STAU2: variants seen among roughly 807,000 people sequenced by gnomAD.
STAU2 encodes staufen double-stranded RNA binding protein 2.
Under a neutral mutation model 65.9 loss-of-function variants are expected in STAU2, and 20 were observed. The observed-to-expected ratio is 0.30, with a 90% CI of 0.21 to 0.44. The LOEUF is 0.44. Among genes scored for constraint, STAU2 ranks in the 20% least tolerant of loss-of-function variants. STAU2 has a pLI of 1.00. For synonymous variants in STAU2, 232 were observed against 233.9 expected (o/e 0.99, Z 0.07); for missense variants, 558 against 683.9 (o/e 0.82, Z 2.05).
intron 3 of STAU2, among the ~76,000 whole-genome samples, chr8:73,737,470 C>A (rs1006932488): frequency 1.3e-5 from 2 of 151,886 alleles, no homozygotes; most frequent in African/African-American, 2.4e-5. Context: ...CGTGCCCAGT[C>A]GATTACTTTC....
intron 13 of STAU2, among the ~76,000 whole-genome samples, chr8:73,534,970 T>C (rs562444697): frequency 6.6e-6 from 1 of 152,356 alleles, no homozygotes; most frequent in East Asian, 1.9e-4. Context: ...AAATCCTATG[T>C]TTTAGATAAG....
At chr8:73,605,778 C>T (rs184554078) in intron 9 of STAU2, among the ~76,000 whole-genome samples, 22 of 150,852 alleles carry the variant, frequency 1.5e-4, no homozygotes, top group Admixed American at 1.4e-3. Context: ...GGTATAAAGA[C>T]AGACAAAGGG....
chr8:73,585,696 C>T (rs567935846), intron 11 of STAU2, among the ~76,000 whole-genome samples: 1 of 152,332 alleles, frequency 6.6e-6, no homozygotes, highest in African/African-American at 2.4e-5. Flanking sequence ...TCTCCCAATC[C>T]TTACTTTCTG....
At chr8:73,622,864 T>A (rs1813367539) in intron 6 of STAU2, among the ~76,000 whole-genome samples, 1 of 152,236 alleles carries the variant, frequency 6.6e-6, no homozygotes, top group Admixed American at 6.5e-5. Flanking sequence ...GCCACATTAC[T>A]TAACAGACTA....
At chr8:73,586,865 G>T (rs967458725) in intron 11 of STAU2, among the ~76,000 whole-genome samples, 5 of 151,740 alleles carry the variant, frequency 3.3e-5, no homozygotes, top group African/African-American at 1.2e-4. Flanking sequence ...GAAAGAGGGG[G>T]AGAAAAGAAA....
chr8:73,479,169 A>G (rs1159195167), intron 13 of STAU2, among the ~76,000 whole-genome samples: 7 of 152,136 alleles, frequency 4.6e-5, no homozygotes, highest in Non-Finnish European at 8.8e-5. Flanking sequence ...TGTTAGTATT[A>G]ATCTCCAAAG....
chr8:73,737,993 T>C (rs1280010758), intron 3 of STAU2, among the ~76,000 whole-genome samples: 1 of 151,718 alleles, frequency 6.6e-6, no homozygotes, highest in Non-Finnish European at 1.5e-5. Context: ...AGCTGTATCA[T>C]GATCATAAGC....
At chr8:73,434,189 AG>A (rs1364595704) in intron 13 of STAU2, among the ~76,000 whole-genome samples, 26 of 151,052 alleles carry the variant, frequency 1.7e-4, no homozygotes, top group Admixed American at 1.7e-3. Context: ...TTGAAGATGG[AG>A]GAAGAGGGCT....
chr8:73,644,429 A>G (rs1057470280), intron 6 of STAU2, among the ~76,000 whole-genome samples: 3 of 151,750 alleles, frequency 2.0e-5, no homozygotes, highest in African/African-American at 4.8e-5. Flanking sequence ...TAGGCAACAG[A>G]GTAAGATCCT....
chr8:73,745,375 A>G (rs1807197604), intron 1 of STAU2, among the ~76,000 whole-genome samples: 1 of 152,224 alleles, frequency 6.6e-6, no homozygotes, highest in South Asian at 2.1e-4. Flanking sequence ...TGAGTTCACA[A>G]CAGTGTACTT....
intron 13 of STAU2, among the ~76,000 whole-genome samples, chr8:73,509,945 T>C (rs1822294083): frequency 6.6e-6 from 1 of 152,214 alleles, no homozygotes; most frequent in South Asian, 2.1e-4. Flanking sequence ...ATTTTTTAAA[T>C]TTCACAAAAT....
At position 73,539,407 on chromosome 8, in the gene STAU2, T is replaced by C. The variant is rs115630347; in HGVS notation, c.1530+12605A>G. ...AATACATCTGCAATTAATGAATGGA[T>C]ATAAAATCTCTGCAGAGAAACAGAA... On this transcript the variant is annotated intron_variant, in intron 13 of 14. Coordinates refer to ENST00000524300, the MANE Select transcript of STAU2 (RefSeq NM_001164380.2). Among the ~76,000 whole-genome samples, 495 of 152,226 alleles carry C rather than the reference T, an allele frequency of 3.3e-3. 7 individuals are homozygous for C. Among genetic ancestry groups the C allele is most frequent in the African/African-American group, 0.011 (473 of 41,540 alleles).
intron 13 of STAU2, among the ~76,000 whole-genome samples, chr8:73,512,494 T>C (rs1229584657): frequency 1.3e-5 from 2 of 152,228 alleles, no homozygotes; most frequent in African/African-American, 4.8e-5. Flanking sequence ...AAGTATTTTA[T>C]TCTTTTTGAT....
chr8:73,650,193 A>G (rs1283711473), intron 6 of STAU2, among the ~76,000 whole-genome samples: 8 of 151,952 alleles, frequency 5.3e-5, no homozygotes, highest in Non-Finnish European at 1.2e-4. Context: ...ATGAGCTTTG[A>G]TTCTCTATGA....
intron 13 of STAU2, among the ~76,000 whole-genome samples, chr8:73,473,413 G>A (rs906381972): frequency 3.9e-5 from 6 of 152,262 alleles, no homozygotes; most frequent in African/African-American, 7.2e-5. Context: ...TGTGCAATAC[G>A]GTTTTGAAAA....
intron 13 of STAU2, chr8:73,441,411 G>C (rs1008284474): frequency 6.6e-6 from 1 of 150,740 alleles, no homozygotes; most frequent in Non-Finnish European, 1.5e-5. Flanking sequence ...GTGGTGGCAT[G>C]CACCTGTAAT....
chr8:73,509,817 C>T (rs1043186329), intron 13 of STAU2, among the ~76,000 whole-genome samples: 1 of 151,294 alleles, frequency 6.6e-6, no homozygotes, highest in Non-Finnish European at 1.5e-5. Context: ...CTTCAATATA[C>T]AACTGGTAAA....
chr8:73,484,887 T>C (rs769266987), intron 13 of STAU2, among the ~76,000 whole-genome samples: 15 of 152,244 alleles, frequency 9.9e-5, no homozygotes, highest in Non-Finnish European at 1.9e-4. Flanking sequence ...ACTGGGGCCA[T>C]GACAGAAGAG....
At chr8:73,499,646 A>G (rs889974001) in intron 13 of STAU2, among the ~76,000 whole-genome samples, 11 of 151,872 alleles carry the variant, frequency 7.2e-5, no homozygotes, top group Admixed American at 3.9e-4. Flanking sequence ...CTACCAGTGA[A>G]TAAGAGGTGA....
Sources: allele counts gnomAD v4.1 joint callset (sites outside exome capture counted in the v4.1 genomes callset), GRCh38; gene constraint gnomAD v4.1.1; transcripts MANE v1.5; gene names NCBI Gene and HGNC (gene_info 2026-07-23, HGNC 2026-07-21).